The following TYW1 variants were observed in gnomAD, a reference collection of about 807,000 sequenced individuals.
TYW1 encodes the protein S-adenosyl-L-methionine-dependent tRNA 4-demethylwyosine synthase TYW1.
In TYW1, 46 loss-of-function variants were observed where a neutral mutation model predicts 96.2. That is an observed-to-expected ratio of 0.48 (90% CI 0.38 to 0.61). The LOEUF (loss-of-function observed/expected upper bound fraction) is 0.61, where lower values mean the gene tolerates loss of function less well. TYW1 is among the 20% of genes least tolerant of loss of function. TYW1 has a pLI of 0.00. For synonymous variants in TYW1, 274 were observed against 323.0 expected, an observed-to-expected ratio of 0.85 and a Z score of 1.63; for missense variants, 684 against 909.6, an observed-to-expected ratio of 0.75 and a Z score of 3.19.
intron 9 of TYW1, among the ~76,000 whole-genome samples, chr7:67,058,825 C>A (rs1795609307): frequency 6.6e-6 from 1 of 152,022 alleles, no homozygotes; most frequent in Non-Finnish European, 1.5e-5. Flanking sequence ...CGTCTTGAAT[C>A]AATTTTTATG....
chr7:67,048,864 T>G (rs1162541718), intron 7 of TYW1, among the ~76,000 whole-genome samples: 1 of 152,234 alleles, frequency 6.6e-6, no homozygotes, highest in Non-Finnish European at 1.5e-5. Flanking sequence ...CTGTCTATAC[T>G]AAAAATACAA....
At chr7:67,070,314 A>C (rs1218424535) in intron 10 of TYW1, among the ~76,000 whole-genome samples, 1 of 152,064 alleles carries the variant, frequency 6.6e-6, no homozygotes, top group East Asian at 1.9e-4. Flanking sequence ...ATTTCTTCAC[A>C]TGTTCTTTCT....
intron 12 of TYW1, among the ~76,000 whole-genome samples, chr7:67,104,592 A>G (rs1797183961): frequency 6.6e-6 from 1 of 152,048 alleles, no homozygotes; most frequent in South Asian, 2.1e-4. Context: ...TCTTTCTGAC[A>G]GTTCTGCCCC....
chr7:67,134,152 A>G (rs1173497931), intron 13 of TYW1, among the ~76,000 whole-genome samples: 5 of 152,118 alleles, frequency 3.3e-5, no homozygotes, highest in African/African-American at 1.2e-4. Context: ...ATTTAGTAAA[A>G]ATAGGATTAA....
rs527476943 is a variant in TYW1, at chr7:67,119,748, A to G, written c.1698+2130A>G. 7.4e-4 allele frequency among the ~76,000 whole-genome samples: 112 copies of G among 152,178 alleles called. 1 individual carries two copies. Among genetic ancestry groups the G allele is most frequent in the African/African-American group, 2.7e-3 (111 of 41,522 alleles). On this transcript the variant is annotated intron_variant, in intron 13 of 15. Transcript: ENST00000359626. ...TTCCTTCCTTATGTCTGAATTCTGC[A>G]CAATGTCTAGCATAGTACACTTTAA...
At chr7:67,187,077 T>G (rs1800051094) in intron 14 of TYW1, among the ~76,000 whole-genome samples, 2 of 121,286 alleles carry the variant, frequency 1.6e-5, no homozygotes, top group Non-Finnish European at 3.4e-5. Flanking sequence ...TTTTTTTTTT[T>G]TTTTGAGATA....
intron 13 of TYW1, among the ~76,000 whole-genome samples, chr7:67,143,030 A>G (rs909958149): frequency 2.6e-5 from 4 of 151,166 alleles, no homozygotes; most frequent in African/African-American, 9.8e-5. Context: ...TCCAGCCTGG[A>G]ACAACAGGAG....
intron 15 of TYW1, among the ~76,000 whole-genome samples, chr7:67,197,179 G>T (rs977495677): frequency 1.3e-5 from 2 of 152,224 alleles, no homozygotes; most frequent in African/African-American, 4.8e-5. Context: ...CTGGCTCATA[G>T]CATGATTCAG....
At chr7:67,045,707 C>A (rs1357704509) in intron 7 of TYW1, among the ~76,000 whole-genome samples, 4 of 152,192 alleles carry the variant, frequency 2.6e-5, no homozygotes, top group Non-Finnish European at 5.9e-5. Context: ...CAGGCCACTG[C>A]AGCTTGGCGA....
At chr7:67,158,057 C>T (rs1209108665) in intron 13 of TYW1, among the ~76,000 whole-genome samples, 2 of 146,196 alleles carry the variant, frequency 1.4e-5, no homozygotes, top group African/African-American at 2.5e-5. Context: ...TGGGGAAGTT[C>T]CTCTTAATTC....
At chr7:67,159,325 G>T (rs991039065) in intron 13 of TYW1, among the ~76,000 whole-genome samples, 3 of 152,132 alleles carry the variant, frequency 2.0e-5, no homozygotes, top group African/African-American at 7.2e-5. Context: ...CCAGGGATAG[G>T]AGGCTACAGT....
chr7:67,192,765 A>G (rs191980463), intron 14 of TYW1, among the ~76,000 whole-genome samples: 9 of 152,020 alleles, frequency 5.9e-5, no homozygotes, highest in African/African-American at 1.9e-4. Flanking sequence ...TTGAGGGGGG[A>G]AAAGAAAGCT....
intron 7 of TYW1, among the ~76,000 whole-genome samples, chr7:67,033,543 A>T (rs1281510334): frequency 6.6e-6 from 1 of 152,168 alleles, no homozygotes; most frequent in Non-Finnish European, 1.5e-5. Context: ...GTGGGGCTAG[A>T]GGTAAGAAGC....
chr7:67,144,169 G>T (rs1416046858), intron 13 of TYW1, among the ~76,000 whole-genome samples: 1 of 152,196 alleles, frequency 6.6e-6, no homozygotes, highest in Non-Finnish European at 1.5e-5. Flanking sequence ...TCATGGGAGG[G>T]TGACTTAAAG....
rs149236045 is a variant in TYW1, at chr7:66,998,118, A to G, written c.58A>G (p.Asn20Asp). The change falls in exon 2 of 16, where the codon AAC becomes GAC. Residue 20 changes from asparagine to aspartate, a missense_variant. Asn to Asp is a conservative substitution (Grantham distance 23). Coordinates refer to ENST00000359626, the MANE Select transcript of TYW1 (RefSeq NM_018264.4). The stretch of plus-strand genomic sequence containing the variant: ...CTCACCTTTAATATCATTATGGATA[A>G]ACAGGTTTTACATTTATTTGGGCTT... ...LFSPLISLWI[N>D]RFYIYLGFAV... is the part of the protein sequence containing the mutation. The G allele has an allele frequency of 1.2e-6, 2 of 1,612,562 alleles. No homozygotes were observed. Among genetic ancestry groups the G allele is most frequent in the African/African-American group, 2.7e-5 (2 of 74,932 alleles).
At chr7:67,216,240 A>G (rs979433685) in intron 15 of TYW1, among the ~76,000 whole-genome samples, 6 of 146,450 alleles carry the variant, frequency 4.1e-5, no homozygotes, top group African/African-American at 1.5e-4. Flanking sequence ...TTTAATGGAT[A>G]TAATATGATG....
chr7:67,222,861 T>TC lies in TYW1; in HGVS notation c.1978-15447_1978-15446insC, dbSNP rs1329679822. On this transcript the variant is annotated intron_variant, in intron 15 of 15. Transcript: ENST00000359626. ...ATGGTCCCTTAATCTCTGTTCGCTT[T>TC]TTTTCTTTTTTTTTTTTTTTTTTTG... Among the ~76,000 whole-genome samples, 810 of 111,012 alleles carry TC rather than the reference T, an allele frequency of 7.3e-3. 10 individuals carry two copies. The highest frequency in any genetic ancestry group is 0.019 in the African/African-American group (537 of 28,494). The allele number at this position is 111,012 out of a possible 152,430, so 72.8% of individuals were successfully genotyped here.
chr7:67,174,841 TC>T (rs1438064442), intron 13 of TYW1, among the ~76,000 whole-genome samples: 1 of 152,068 alleles, frequency 6.6e-6, no homozygotes, highest in Non-Finnish European at 1.5e-5. Flanking sequence ...TCACTATAGA[TC>T]CTATAGACAT....
chr7:67,034,330 TC>T (rs1165951004), intron 7 of TYW1, among the ~76,000 whole-genome samples: 2 of 151,946 alleles, frequency 1.3e-5, no homozygotes, highest in Non-Finnish European at 2.9e-5. Context: ...GATGTCCAGT[TC>T]CTGGCCTCAA....
Sources: allele counts gnomAD v4.1 joint callset (sites outside exome capture counted in the v4.1 genomes callset), GRCh38; gene constraint gnomAD v4.1.1; transcripts MANE v1.5; gene names NCBI Gene and HGNC (gene_info 2026-07-23, HGNC 2026-07-21).